The following COP1 variants were observed in gnomAD, a reference collection of about 807,000 sequenced individuals.
The protein encoded by COP1 is COP1 E3 ubiquitin ligase.
Under a neutral mutation model 101.3 loss-of-function variants are expected in COP1, and 24 were observed. The ratio of observed to expected loss-of-function variants is 0.24; its 90% CI spans 0.17 to 0.33. The LOEUF (loss-of-function observed/expected upper bound fraction) is 0.33, where lower values mean the gene tolerates loss of function less well. Among genes scored for constraint, COP1 ranks in the 10% least tolerant of loss-of-function variants. The probability of loss-of-function intolerance (pLI) is 1.00; values close to 1 mark genes in which losing one functional copy is unlikely to be tolerated. For synonymous variants in COP1, 347 were observed against 341.9 expected, an observed-to-expected ratio of 1.01 and a Z score of -0.17; for missense variants, 663 against 906.2, an observed-to-expected ratio of 0.73 and a Z score of 3.45.
Position 176,189,516 on chromosome 1 carries a change from A to G in COP1, c.408-4824T>C, listed in dbSNP as rs189912589. Among the ~76,000 whole-genome samples the G allele has an allele frequency of 1.3e-3, 199 of 152,142 alleles. 2 individuals carry two copies. Among genetic ancestry groups the G allele is most frequent in the African/African-American group, 4.5e-3 (185 of 41,522 alleles). ...AAAATATCTTTCAAAATGAAAGCAA[A>G]TAAACTCATTTTCAAACAAACACAA... is the stretch of plus-strand genomic sequence containing the variant. On this transcript the variant is annotated intron_variant, in intron 1 of 19. Transcript: ENST00000367669.
intron 6 of COP1, among the ~76,000 whole-genome samples, chr1:176,141,459 C>T (rs898637057): frequency 2.0e-5 from 3 of 152,108 alleles, no homozygotes; most frequent in African/African-American, 7.2e-5. Flanking sequence ...CGAGATAGTG[C>T]CACTGCACTC....
chr1:176,100,227 T>TA, intron 9 of COP1: 2 of 231,262 alleles, frequency 8.6e-6, no homozygotes, highest in South Asian at 4.0e-5. Flanking sequence ...CCGTCTTTAC[T>TA]AAAAATACAA....
At chr1:175,975,967 G>C (rs936445911) in intron 18 of COP1, among the ~76,000 whole-genome samples, 1 of 152,122 alleles carries the variant, frequency 6.6e-6, no homozygotes, top group Non-Finnish European at 1.5e-5. Flanking sequence ...CTTAGAATTT[G>C]TTTTGCTATC....
intron 5 of COP1, among the ~76,000 whole-genome samples, chr1:176,158,168 T>C (rs921335819): frequency 2.0e-5 from 3 of 151,554 alleles, no homozygotes; most frequent in African/African-American, 7.3e-5. Flanking sequence ...TATCTTAAAC[T>C]GGGAGAAACA....
rs941795721 is a variant in COP1, at chr1:176,206,902, G to T, written c.77C>A (p.Ser26Tyr). ...GGAAGAGGATAAAGACGAGGAGGCG[G>T]AAGTCACCGAGGAGGCCGCCGAGGA... ...PGSSAASSVT[S>Y]ASSSLSSSPS... The change falls in exon 1 of 20, where the codon TCC becomes TAC. Residue 26 changes from serine (S) to tyrosine (Y), a missense_variant. This residue lies in a region of COP1 where 204 missense variants were observed against 203.6 expected (regional missense o/e 1.00). Coordinates refer to ENST00000367669, the MANE Select transcript of COP1 (RefSeq NM_022457.7). The T allele has an allele frequency of 1.4e-6, 2 of 1,465,878 alleles. No homozygotes were observed. Among genetic ancestry groups the T allele is most frequent in the East Asian group, 3.0e-5 (1 of 33,290 alleles). 90.8% of individuals were successfully genotyped at this position (1,465,878 alleles called of 1,614,324 possible). A position where few individuals can be genotyped will look rare whatever the true frequency, so the allele number is the denominator to read the frequency against.
intron 11 of COP1, among the ~76,000 whole-genome samples, chr1:176,059,156 T>C (rs566628326): frequency 3.3e-5 from 5 of 152,346 alleles, no homozygotes; most frequent in African/African-American, 9.6e-5. Flanking sequence ...TCCATCCTAA[T>C]TGAGCAACCA....
At chr1:176,028,286 C>T (rs969733050) in intron 14 of COP1, among the ~76,000 whole-genome samples, 1 of 151,900 alleles carries the variant, frequency 6.6e-6, no homozygotes, top group East Asian at 1.9e-4. Context: ...ATAAAAAGGT[C>T]GGGCACAGTG....
intron 18 of COP1, among the ~76,000 whole-genome samples, chr1:175,961,147 T>C (rs1214461655): frequency 3.9e-5 from 6 of 152,220 alleles, no homozygotes; most frequent in Non-Finnish European, 7.3e-5. Context: ...GATTCTGCCA[T>C]GCTACTGGCC....
At chr1:176,004,709 A>C (rs1437644381) in intron 15 of COP1, among the ~76,000 whole-genome samples, 3 of 149,048 alleles carry the variant, frequency 2.0e-5, no homozygotes, top group African/African-American at 7.3e-5. Context: ...AGCCCACTTG[A>C]TCATGGTGGA....
At position 176,085,903 on chromosome 1, in the gene COP1, G is replaced by T. The variant is rs1239146942; in HGVS notation, c.1027-13C>A. On this transcript the variant is annotated splice_polypyrimidine_tract_variant and intron_variant, in intron 9 of 19. Coordinates refer to ENST00000367669, the MANE Select transcript of COP1 (RefSeq NM_022457.7). ...GCTGTTTCTTTGTCTAAAATAATAA[G>T]AAAAGACACAAAACTTAGAATAAAC... is the stretch of plus-strand genomic sequence containing the variant. 1.4e-6 allele frequency: 2 copies of T among 1,445,460 alleles called. No homozygotes were observed. The highest frequency in any genetic ancestry group is 1.9e-6 in the Non-Finnish European group (2 of 1,037,418). The allele number at this position is 1,445,460 out of a possible 1,614,324, so 89.5% of individuals were successfully genotyped here. A position where few individuals can be genotyped will look rare whatever the true frequency, so the allele number is the denominator to read the frequency against.
chr1:176,070,078 C>A (rs1348872298), intron 11 of COP1, among the ~76,000 whole-genome samples: 2 of 152,154 alleles, frequency 1.3e-5, no homozygotes, highest in African/African-American at 4.8e-5. Context: ...TAGATATCCC[C>A]CACGAACCCT....
chr1:176,049,404 T>A (rs959893199), intron 11 of COP1, among the ~76,000 whole-genome samples: 1 of 152,092 alleles, frequency 6.6e-6, no homozygotes, highest in African/African-American at 2.4e-5. Context: ...GTTTTTAATA[T>A]ATTAAGGTAT....
intron 1 of COP1, among the ~76,000 whole-genome samples, chr1:176,185,712 A>G (rs1698360819): frequency 6.6e-6 from 1 of 152,214 alleles, no homozygotes; most frequent in Non-Finnish European, 1.5e-5. Flanking sequence ...AGAAAGGAGG[A>G]TACTGGTTCC....
intron 9 of COP1, among the ~76,000 whole-genome samples, chr1:176,115,478 C>T (rs1686028171): frequency 6.8e-6 from 1 of 148,018 alleles, no homozygotes. Context: ...GCTGAGCACG[C>T]TGGCTCACGC....
At position 176,089,072 on chromosome 1, in the gene COP1, G is replaced by A. The variant is rs182901458; in HGVS notation, c.1027-3182C>T. ...AATCCCAGCACTTTGGGAGGCCGAG[G>A]TGTGTGGATCACGAGATCAGAAGTT... On this transcript the variant is annotated intron_variant, in intron 9 of 19. Transcript: ENST00000367669. Among the ~76,000 whole-genome samples the A allele has an allele frequency of 4.0e-5, 6 of 151,856 alleles. No homozygotes were observed. In the East Asian group the frequency reaches 9.7e-4, roughly 25 times the overall value.
At chr1:175,984,477 G>C (rs1194414368) in intron 18 of COP1, among the ~76,000 whole-genome samples, 1 of 152,204 alleles carries the variant, frequency 6.6e-6, no homozygotes, top group African/African-American at 2.4e-5. Flanking sequence ...TGCTGCAAGG[G>C]TGGGCCCCTC....
At chr1:176,113,311 T>G (rs368393533) in intron 9 of COP1, among the ~76,000 whole-genome samples, 403 of 152,338 alleles carry the variant, frequency 2.6e-3, no homozygotes, top group South Asian at 0.02. Flanking sequence ...ATAAGTATTT[T>G]TACATATACC....
intron 15 of COP1, among the ~76,000 whole-genome samples, chr1:176,005,941 C>T (rs1377238764): frequency 6.6e-6 from 1 of 152,090 alleles, no homozygotes; most frequent in African/African-American, 2.4e-5. Flanking sequence ...CTAATGTTGA[C>T]AGTGGGGTGT....
At chr1:176,087,129 A>T (rs1572150456) in intron 9 of COP1, among the ~76,000 whole-genome samples, 1 of 152,226 alleles carries the variant, frequency 6.6e-6, no homozygotes, top group Non-Finnish European at 1.5e-5. Flanking sequence ...TAAAGACTTA[A>T]ATGTTAGACC....
Sources: gnomAD v4.1 joint callset for allele counts (sites outside exome capture counted in the v4.1 genomes callset) on GRCh38, gnomAD v4.1.1 for gene constraint, gnomAD v4.1.1 regional missense constraint, MANE v1.5 for transcripts, NCBI Gene and HGNC (gene_info 2026-07-23, HGNC 2026-07-21) for gene names.